SNX27: variants seen among roughly 807,000 people sequenced by gnomAD.
SNX27 encodes sorting nexin-27.
A neutral mutation model predicts 71.6 loss-of-function variants in SNX27; 22 were observed. The observed-to-expected ratio is 0.31, with a 90% CI of 0.22 to 0.44. The LOEUF is 0.44. Among genes scored for constraint, SNX27 ranks in the 20% least tolerant of loss-of-function variants. The pLI is 1.00. For synonymous variants in SNX27, 269 were observed against 277.2 expected (o/e 0.97, Z 0.29); for missense variants, 531 against 698.6 (o/e 0.76, Z 2.70).
chr1:151,612,775 C>G lies in SNX27; in HGVS notation c.311+263C>G, dbSNP rs1362862584. On this transcript the variant is annotated intron_variant, in intron 1 of 11. Transcript: ENST00000458013. The surrounding 1 kb of genome is among the most constrained non-coding windows in gnomAD (Gnocchi z 5.2). The stretch of plus-strand genomic sequence containing the variant: ...GCCCCCAGTGCTCCTCCCTGTGCCC[C>G]GATTACTCTGGGCTCTTCTCCGCCC... Among the ~76,000 whole-genome samples, 2 of 152,150 alleles carry G rather than the reference C, an allele frequency of 1.3e-5. No homozygotes were observed. The highest frequency in any genetic ancestry group is 1.3e-4 in the Admixed American group (2 of 15,272).
intron 8 of SNX27, among the ~76,000 whole-genome samples, chr1:151,685,848 C>T (rs1671173791): frequency 1.3e-5 from 2 of 152,188 alleles, no homozygotes; most frequent in Admixed American, 1.3e-4. Context: ...TACCAATGTT[C>T]TACGTATCAG....
intron 10 of SNX27, 149 bp downstream of exon 10, chr1:151,693,188 G>GT (rs1198298548): frequency 8.0e-7 from 1 of 1,249,620 alleles, no homozygotes; most frequent in Non-Finnish European, 1.1e-6. Context: ...GATTCATCCT[G>GT]TTTTTGCTTT....
Position 151,694,525 on chromosome 1 carries a change from C to A in SNX27, c.*108C>A. ...AAAAAAGAAGAGAAAAAGTTAAAGTCGTTATATTCAAAAGCCCTAAACTAA... is the reference window on the plus strand; with the variant it reads ...AAAAAAGAAGAGAAAAAGTTAAAGTAGTTATATTCAAAAGCCCTAAACTAA... On this transcript the variant is annotated 3_prime_UTR_variant, in exon 12 of 12. Transcript: ENST00000458013. 1 of 1,167,216 alleles carries A rather than the reference C, an allele frequency of 8.6e-7. No homozygotes were observed. Among genetic ancestry groups the A allele is most frequent in the South Asian group, 1.5e-5 (1 of 65,004 alleles). The allele number at this position is 1,167,216 out of a possible 1,614,324, so 72.3% of individuals were successfully genotyped here.
chr1:151,623,319 T>G (rs150350849), intron 1 of SNX27, among the ~76,000 whole-genome samples: 4,762 of 152,258 alleles, frequency 0.031, 284 homozygotes, highest in African/African-American at 0.11. Context: ...TTTTTGTATT[T>G]TTAGTAGAGA....
chr1:151,633,199 A>G (rs1362628286), intron 1 of SNX27, among the ~76,000 whole-genome samples: 7 of 152,110 alleles, frequency 4.6e-5, no homozygotes, highest in Non-Finnish European at 7.4e-5. Context: ...CTTAATTAAC[A>G]TACAGTTAAA....
chr1:151,612,233 C>A lies in SNX27; in HGVS notation c.32C>A (p.Pro11His), dbSNP rs751531443. 7.1e-7 allele frequency: 1 copy of A among 1,417,132 alleles called. No homozygotes were observed. The highest frequency in any genetic ancestry group is 9.2e-7 in the Non-Finnish European group (1 of 1,087,738). 87.8% of individuals were successfully genotyped at this position (1,417,132 alleles called of 1,614,324 possible). MADEDGEGIH[P>H]SAPHRNGGGG... The stretch of plus-strand genomic sequence containing the variant: ...GACGAGGACGGGGAAGGGATTCATC[C>A]CTCAGCCCCTCACAGGAACGGAGGT... Residue 11 changes from proline to histidine, a missense_variant, in exon 1 of 12, where the codon CCC becomes CAC. Pro to His is a moderately conservative substitution (Grantham distance 77, BLOSUM62 -2). Around this residue, in one of 5 missense-constraint regions of SNX27, gnomAD observed 130 missense variants for 143.5 expected, o/e 0.91. Coordinates refer to ENST00000458013, the MANE Select transcript of SNX27 (RefSeq NM_001330723.2). The surrounding 1 kb of genome is among the most constrained non-coding windows in gnomAD (Gnocchi z 5.2).
chr1:151,623,142 T>G (rs918856070), intron 1 of SNX27, among the ~76,000 whole-genome samples: 5 of 151,308 alleles, frequency 3.3e-5, no homozygotes, highest in Non-Finnish European at 4.4e-5. Context: ...CTGCCTAATA[T>G]ATATATATAT....
At chr1:151,690,798 A>G (rs562400699) in intron 8 of SNX27, among the ~76,000 whole-genome samples, 15 of 152,230 alleles carry the variant, frequency 9.9e-5, no homozygotes, top group Admixed American at 3.3e-4. Flanking sequence ...AGATGTTATT[A>G]TTATTTCCCA....
chr1:151,668,510 T>C lies in SNX27; in HGVS notation c.1024T>C (p.Tyr342His). 6.2e-7 allele frequency: 1 copy of C among 1,613,822 alleles called. No homozygotes were observed. Among genetic ancestry groups the C allele is most frequent in the Non-Finnish European group, 8.5e-7 (1 of 1,179,902 alleles). ...LAPNEFPHKL[Y>H]IQNYTSAVPG... ...ACCTAATGAGTTTCCTCACAAACTC[T>C]ACATTCAGAATTATACATCAGCTGT... Residue 342 changes from tyrosine to histidine, a missense_variant, in exon 7 of 12, where the codon TAC (tyrosine) becomes CAC (histidine). Tyr to His is a moderately conservative substitution (Grantham distance 83, BLOSUM62 2). Coordinates refer to ENST00000458013, the MANE Select transcript of SNX27 (RefSeq NM_001330723.2).
rs1419040668 is a variant in SNX27 at position 151,694,710 on chromosome 1, A to T, written c.*293A>T. ...CTTTGTCCTTTCACCTGGGCCTCAT[A>T]CCAACAGCCTCTCCTTGTACTATAT... On this transcript the variant is annotated 3_prime_UTR_variant, in exon 12 of 12. Coordinates refer to ENST00000458013, the MANE Select transcript of SNX27 (RefSeq NM_001330723.2). 1 of 332,504 alleles carries T rather than the reference A, an allele frequency of 3.0e-6. No individual in the cohort carries two copies. Among genetic ancestry groups the T allele is most frequent in the African/African-American group, 2.1e-5 (1 of 46,998 alleles). The allele number at this position is 332,504 out of a possible 1,614,324, so 20.6% of individuals were successfully genotyped here.
intron 2 of SNX27, among the ~76,000 whole-genome samples, chr1:151,651,211 G>A (rs1044245726): frequency 2.6e-5 from 4 of 151,070 alleles, no homozygotes; most frequent in Admixed American, 1.3e-4. Context: ...CCCGGGCGGG[G>A]CGGCTGGCCG....
At position 151,693,046 on chromosome 1, in the gene SNX27, G is replaced by A; in HGVS notation, c.1518+7G>A. 3 of 1,603,962 alleles carry A rather than the reference G, an allele frequency of 1.9e-6. No individual in the cohort carries two copies. Among genetic ancestry groups the A allele is most frequent in the Middle Eastern group, 3.3e-4 (2 of 6,008 alleles). On this transcript the variant is annotated splice_region_variant and intron_variant, in intron 10 of 11. Transcript: ENST00000458013. ...TAAAATCTTCACGCCATATGTGAGT[G>A]CAATTTGGGGAAAGTAACTGGGACT...
rs989586770 is a variant in SNX27, at chr1:151,697,755, A to AGG, written c.*3340_*3341dup. On this transcript the variant is annotated 3_prime_UTR_variant, in exon 12 of 12. Transcript: ENST00000458013. Reference sequence around the variant, plus strand: ...TTCTTCTTAGTCCCAGCTTCTGCCCAGGGAGGCTTCTACCCAGACTTCTTT... The same window carrying AGG: ...TTCTTCTTAGTCCCAGCTTCTGCCCAGGGGGAGGCTTCTACCCAGACTTCTTT... 2 of 152,682 alleles carry AGG rather than the reference A, an allele frequency of 1.3e-5. No individual in the cohort carries two copies. The highest frequency in any genetic ancestry group is 4.8e-5 in the African/African-American group (2 of 41,418). 9.5% of individuals were successfully genotyped at this position (152,682 alleles called of 1,614,324 possible).
intron 10 of SNX27, 154 bp from the exon 11 acceptor site, chr1:151,693,270 G>T (rs1344564541): frequency 2.2e-6 from 2 of 917,260 alleles, no homozygotes; most frequent in Admixed American, 2.5e-5. Flanking sequence ...CTAGAGAATA[G>T]TGGATGAACC....
intron 1 of SNX27, among the ~76,000 whole-genome samples, chr1:151,616,376 A>G (rs1471537349): frequency 1.3e-5 from 2 of 152,242 alleles, no homozygotes; most frequent in Non-Finnish European, 2.9e-5. Context: ...TAGTTTAAGC[A>G]TGGACCACTA....
chr1:151,692,798 G>C, intron 9 of SNX27, 113 bp from the exon 10 acceptor site: 1 of 1,462,556 alleles, frequency 6.8e-7, no homozygotes, highest in African/African-American at 1.4e-5. Flanking sequence ...TCTCTGAAGC[G>C]ATGCAGACAT....
intron 1 of SNX27, among the ~76,000 whole-genome samples, chr1:151,614,668 G>T (rs180926445): frequency 2.0e-5 from 3 of 152,270 alleles, no homozygotes; most frequent in African/African-American, 7.2e-5. Flanking sequence ...AAAATTTGTG[G>T]CTGATGTTTT....
intron 2 of SNX27, among the ~76,000 whole-genome samples, chr1:151,653,778 C>T (rs952916095): frequency 4.2e-4 from 64 of 151,968 alleles, no homozygotes; most frequent in African/African-American, 1.5e-3. Flanking sequence ...GCCTTGGCCT[C>T]CCAAAGTGCT....
chr1:151,680,998 C>G (rs1024090435), intron 7 of SNX27, among the ~76,000 whole-genome samples: 1 of 152,126 alleles, frequency 6.6e-6, no homozygotes, highest in Non-Finnish European at 1.5e-5. Flanking sequence ...CATAATCTTT[C>G]TATTAGTCAC....
Sources: allele counts gnomAD v4.1 joint callset (sites outside exome capture counted in the v4.1 genomes callset), GRCh38; gene constraint gnomAD v4.1.1; regional missense constraint gnomAD v4.1.1; non-coding constraint Gnocchi (gnomAD v3.1); transcripts MANE v1.5; gene names NCBI Gene and HGNC (gene_info 2026-07-23, HGNC 2026-07-21).